Variants in ROBO1 observed in about 807,000 individuals in gnomAD.
ROBO1 encodes roundabout guidance receptor 1, also known as roundabout homolog 1.
Under a neutral mutation model 195.9 loss-of-function variants are expected in ROBO1, and 149 were observed. The observed-to-expected ratio is 0.76, with a 90% CI of 0.67 to 0.87. The LOEUF is 0.87. ROBO1 is among the 40% of genes least tolerant of loss of function. ROBO1 has a pLI of 0.00. For missense variants in ROBO1, 1,933 were observed against 2,068.3 expected (o/e 0.93, Z 1.27); for synonymous variants, 816 against 733.2 (o/e 1.11, Z -1.82).
At chr3:78,776,486 G>A (rs879662045) in intron 4 of ROBO1, among the ~76,000 whole-genome samples, 4 of 152,146 alleles carry the variant, frequency 2.6e-5, no homozygotes, top group South Asian at 2.1e-4. Context: ...CTGACCTCAC[G>A]TGATCCACCC....
chr3:79,746,508 A>G (rs1218356872), intron 1 of ROBO1, among the ~76,000 whole-genome samples: 2 of 152,086 alleles, frequency 1.3e-5, no homozygotes, highest in African/African-American at 2.4e-5. Context: ...AGGTATTTTC[A>G]AAACAAAAGT....
intron 2 of ROBO1, among the ~76,000 whole-genome samples, chr3:79,320,768 G>A (rs373309515): frequency 6.6e-6 from 1 of 152,210 alleles, no homozygotes; most frequent in Non-Finnish European, 1.5e-5. Flanking sequence ...AAGGCTTAAT[G>A]TTTGTCTTAT....
intron 1 of ROBO1, among the ~76,000 whole-genome samples, chr3:79,736,542 G>A (rs535216476): frequency 6.6e-6 from 1 of 152,300 alleles, no homozygotes; most frequent in South Asian, 2.1e-4. Context: ...TGTAATAATA[G>A]CTTAGACAAA....
intron 4 of ROBO1, among the ~76,000 whole-genome samples, chr3:78,859,733 G>T (rs1455442718): frequency 6.6e-6 from 1 of 152,114 alleles, no homozygotes; most frequent in African/African-American, 2.4e-5. Context: ...GCCTCAGTAT[G>T]TGATAGCAAT....
chr3:79,651,541 C>T (rs1946008680), intron 1 of ROBO1, among the ~76,000 whole-genome samples: 1 of 152,122 alleles, frequency 6.6e-6, no homozygotes, highest in Non-Finnish European at 1.5e-5. Flanking sequence ...AAACCCTCTT[C>T]CCCAAACTAA....
At chr3:79,075,434 G>A (rs2079156181) in intron 3 of ROBO1, among the ~76,000 whole-genome samples, 1 of 151,948 alleles carries the variant, frequency 6.6e-6, no homozygotes, top group African/African-American at 2.4e-5. Context: ...TACATGCAAA[G>A]TAGTAACAAA....
chr3:79,761,390 A>G (rs1335145541), intron 1 of ROBO1, among the ~76,000 whole-genome samples: 1 of 152,042 alleles, frequency 6.6e-6, no homozygotes, highest in Non-Finnish European at 1.5e-5. Context: ...AAATAATAAC[A>G]GCAAATTTAC....
chr3:78,636,308 AC>A (rs902644783), intron 22 of ROBO1, among the ~76,000 whole-genome samples, 200 bp from the exon 23 acceptor site: 4 of 152,200 alleles, frequency 2.6e-5, no homozygotes, highest in African/African-American at 7.2e-5. Flanking sequence ...AAGAGGGTAC[AC>A]AGAATTTGTA....
chr3:79,539,308 A>G (rs754852619), intron 2 of ROBO1, among the ~76,000 whole-genome samples: 1 of 152,078 alleles, frequency 6.6e-6, no homozygotes, highest in Non-Finnish European at 1.5e-5. Context: ...ATAAAAAGGA[A>G]CATGCACATA....
chr3:78,669,815 C>T (rs528241748), intron 11 of ROBO1, among the ~76,000 whole-genome samples: 1 of 152,266 alleles, frequency 6.6e-6, no homozygotes, highest in Non-Finnish European at 1.5e-5. Flanking sequence ...GATATTTATT[C>T]TCTCACAAAC....
chr3:78,711,350 C>CCTTTCTTTCTTTCTTTCTTT (rs1302958232), intron 8 of ROBO1, among the ~76,000 whole-genome samples: 2 of 46,852 alleles, frequency 4.3e-5, no homozygotes, highest in South Asian at 1.9e-3. Flanking sequence ...CTTCCTTCCT[C>CCTTTCTTTCTTTCTTTCTTT]CTTCCTTCCT....
At chr3:78,958,593 T>C (rs115821113) in intron 3 of ROBO1, among the ~76,000 whole-genome samples, 5,332 of 152,198 alleles carry the variant, frequency 0.035, 150 homozygotes, top group African/African-American at 0.087. Flanking sequence ...TGAACACAAC[T>C]TTCAAATAAA....
chr3:78,893,058 T>C (rs2036999993), intron 4 of ROBO1, among the ~76,000 whole-genome samples: 1 of 152,166 alleles, frequency 6.6e-6, no homozygotes, highest in Non-Finnish European at 1.5e-5. Flanking sequence ...CATCACACTG[T>C]GGTAAGCACA....
At chr3:79,736,226 A>T (rs1028502348) in intron 1 of ROBO1, among the ~76,000 whole-genome samples, 3 of 152,178 alleles carry the variant, frequency 2.0e-5, no homozygotes, top group African/African-American at 7.2e-5. Context: ...GGTGTAACGG[A>T]GCTTGATGCA....
chr3:78,813,218 T>A (rs116543638), intron 4 of ROBO1, among the ~76,000 whole-genome samples: 1 of 146,884 alleles, frequency 6.8e-6, no homozygotes, highest in African/African-American at 2.6e-5. Flanking sequence ...CACATATTAC[T>A]CATTTATTAT....
At chr3:78,767,978 T>G (rs1184989152) in intron 4 of ROBO1, among the ~76,000 whole-genome samples, 1 of 152,148 alleles carries the variant, frequency 6.6e-6, no homozygotes, top group Non-Finnish European at 1.5e-5. Flanking sequence ...GGGTTTGGTT[T>G]GTTCTTGTTT....
intron 4 of ROBO1, among the ~76,000 whole-genome samples, chr3:78,865,511 GC>G (rs2035116240): frequency 7.1e-6 from 1 of 140,518 alleles, no homozygotes. Context: ...TCGTTGTGTC[GC>G]CCAGGCTGGA....
intron 1 of ROBO1, among the ~76,000 whole-genome samples, chr3:79,697,975 T>C (rs554903801): frequency 2.0e-5 from 3 of 151,602 alleles, no homozygotes; most frequent in East Asian, 1.9e-4. Context: ...AATTAAAAAA[T>C]GTTAGATTTT....
chr3:78,618,466 T>C (rs1004443728), intron 26 of ROBO1, among the ~76,000 whole-genome samples: 1 of 152,214 alleles, frequency 6.6e-6, no homozygotes, highest in African/African-American at 2.4e-5. Flanking sequence ...CAAACATCTG[T>C]TTCTTTCCCT....
Sources: allele counts gnomAD v4.1 joint callset (sites outside exome capture counted in the v4.1 genomes callset), GRCh38; gene constraint gnomAD v4.1.1; transcripts MANE v1.5; gene names NCBI Gene and HGNC (gene_info 2026-07-23, HGNC 2026-07-21).